FAM193A: variants seen among roughly 807,000 people sequenced by gnomAD.
FAM193A encodes the protein family with sequence similarity 193 member A.
FAM193A carries 22 observed loss-of-function variants against 126.5 expected under a neutral mutation model. The observed-to-expected ratio is 0.17, with a 90% CI of 0.12 to 0.25. The LOEUF (loss-of-function observed/expected upper bound fraction) is 0.25. FAM193A is among the 10% of genes least tolerant of loss of function. FAM193A has a pLI of 1.00. For missense variants in FAM193A, 1,675 were observed against 1,672.8 expected, an observed-to-expected ratio of 1.00 and a Z score of -0.02; for synonymous variants, 761 against 646.8, an observed-to-expected ratio of 1.18 and a Z score of -2.68.
chr4:2,617,201 TA>T (rs1365130574), intron 2 of FAM193A, among the ~76,000 whole-genome samples: 24 of 127,840 alleles, frequency 1.9e-4, no homozygotes, highest in Non-Finnish European at 3.4e-4. Flanking sequence ...AAAAAAAGAA[TA>T]TTTTTTGACC....
chr4:2,700,149 A>C lies in FAM193A; in HGVS notation c.3977A>C (p.Asp1326Ala). 1 of 1,613,666 alleles carries C rather than the reference A, an allele frequency of 6.2e-7. No individual in the cohort carries two copies. Among genetic ancestry groups the C allele is most frequent in the Non-Finnish European group, 8.5e-7 (1 of 1,179,976 alleles). ...CATGAGCCACTCTCTTTTTTCTTCG[A>C]CATCATGCAGCACCATAAAGAAGGA... ...KQHEPLSFFF[D>A]IMQHHKEGNG... The change falls in exon 19 of 21, where the codon GAC (aspartate) becomes GCC (alanine). Residue 1326 changes from aspartate (D) to alanine (A), a missense_variant. By Grantham distance (126) the Asp-to-Ala change is moderately radical (BLOSUM62 -2). This residue lies in a region of FAM193A where 415 missense variants were observed against 396.7 expected (regional missense o/e 1.05). Transcript: ENST00000637812.
At position 2,659,689 on chromosome 4, in the gene FAM193A, G is replaced by A. The variant is rs771970292; in HGVS notation, c.1502+19G>A. Reference sequence around the variant, plus strand: ...GGAGAAGGTAAGGCTGGGTTGTGGTGTCAGCACGACTGGCCCATTGGACCT... The same window carrying A: ...GGAGAAGGTAAGGCTGGGTTGTGGTATCAGCACGACTGGCCCATTGGACCT... On this transcript the variant is annotated intron_variant, in intron 9 of 20. Coordinates refer to ENST00000637812, the MANE Select transcript of FAM193A (RefSeq NM_001366318.2). The A allele has an allele frequency of 1.2e-6, 2 of 1,612,744 alleles. No individual in the cohort carries two copies. Among genetic ancestry groups the A allele is most frequent in the South Asian group, 2.2e-5 (2 of 91,056 alleles).
At position 2,693,494 on chromosome 4, in the gene FAM193A, A is replaced by G. The variant is rs1414273867; in HGVS notation, c.2804-92A>G. On this transcript the variant is annotated intron_variant, in intron 15 of 20. Coordinates refer to ENST00000637812, the MANE Select transcript of FAM193A (RefSeq NM_001366318.2). ...GAAGATGAAGCAAGGTGAAGGATGA[A>G]TGGGTACTCTTTGTGTGTTCTTTCA... is the stretch of plus-strand genomic sequence containing the variant. 124 of 1,200,522 alleles carry G rather than the reference A, an allele frequency of 1.0e-4. 1 individual carries two copies. Among genetic ancestry groups the G allele is most frequent in the Non-Finnish European group, 1.5e-4 (122 of 838,254 alleles). 74.4% of individuals were successfully genotyped at this position (1,200,522 alleles called of 1,614,324 possible).
intron 2 of FAM193A, among the ~76,000 whole-genome samples, chr4:2,598,674 T>C (rs1280956040): frequency 6.6e-6 from 1 of 152,234 alleles, no homozygotes; most frequent in East Asian, 1.9e-4. Flanking sequence ...TTGTTCTGTT[T>C]GGTCAAATGC....
intron 1 of FAM193A, among the ~76,000 whole-genome samples, chr4:2,545,850 T>TA (rs755701058): frequency 2.2e-4 from 33 of 152,088 alleles, no homozygotes; most frequent in Non-Finnish European, 3.2e-4. Context: ...CCTGGCTAAT[T>TA]AAAAAACAAA....
rs764044829 is a variant in FAM193A at position 2,633,908 on chromosome 4, A to G, written c.1038+2739A>G. Among the ~76,000 whole-genome samples, 3 of 152,240 alleles carry G rather than the reference A, an allele frequency of 2.0e-5. No individual in the cohort carries two copies. In the South Asian group the frequency reaches 6.2e-4, roughly 32 times the overall value. On this transcript the variant is annotated intron_variant, in intron 5 of 20. Transcript: ENST00000637812. Reference sequence around the variant, plus strand: ...AACTCCGTCTCAAAAAAAAGATGAAATCTTTTAAAGTGTATGGCTGAGATG... The same window carrying G: ...AACTCCGTCTCAAAAAAAAGATGAAGTCTTTTAAAGTGTATGGCTGAGATG...
chr4:2,728,895 ACTTTTTTTTT>A (rs1380530937), intron 20 of FAM193A, among the ~76,000 whole-genome samples: 3 of 105,710 alleles, frequency 2.8e-5, no homozygotes, highest in Admixed American at 2.0e-4. Flanking sequence ...CACCTCCAAA[ACTTTTTTTTT>A]TTTTTTTTTT....
Position 2,700,258 on chromosome 4 carries a change from G to A in FAM193A, c.4086G>A (p.Glu1362=), listed in dbSNP as rs1717558958. ...RRPTEPPKAT[E]GQSKPRAQTE... is the part of the protein sequence containing the mutation. ...CCACAGAGCCCCCCAAGGCCACAGA[G>A]GGGCAGTCCAAGCCCCGGGCCCAGA... Residue 1362 remains glutamate (E), a synonymous_variant, in exon 19 of 21, where the codon GAG becomes GAA. Coordinates refer to ENST00000637812, the MANE Select transcript of FAM193A (RefSeq NM_001366318.2). 1 of 1,614,078 alleles carries A rather than the reference G, an allele frequency of 6.2e-7. No individual in the cohort carries two copies. The highest frequency in any genetic ancestry group is 1.1e-5 in the South Asian group (1 of 91,086).
At chr4:2,686,036 T>A (rs969493837) in intron 13 of FAM193A, among the ~76,000 whole-genome samples, 1 of 152,254 alleles carries the variant, frequency 6.6e-6, no homozygotes. Context: ...TTTACAGTTA[T>A]ATCATTGGTG....
chr4:2,674,144 T>C (rs924964766), intron 13 of FAM193A, among the ~76,000 whole-genome samples: 12 of 152,250 alleles, frequency 7.9e-5, no homozygotes, highest in Non-Finnish European at 1.6e-4. Context: ...GTGGCCATTA[T>C]TATGTGGAAA....
At chr4:2,566,076 C>T (rs1303109932) in intron 1 of FAM193A, among the ~76,000 whole-genome samples, 2 of 147,242 alleles carry the variant, frequency 1.4e-5, no homozygotes, top group Admixed American at 6.7e-5. Flanking sequence ...GAGACGGAGT[C>T]TCGCTCTGTC....
At chr4:2,626,063 A>C (rs1234146237) in intron 3 of FAM193A, among the ~76,000 whole-genome samples, 1 of 152,052 alleles carries the variant, frequency 6.6e-6, no homozygotes, top group Non-Finnish European at 1.5e-5. Context: ...CTGGCTCAGG[A>C]AGGAATGCAT....
intron 19 of FAM193A, among the ~76,000 whole-genome samples, chr4:2,709,893 T>C (rs1718721438): frequency 6.6e-6 from 1 of 152,224 alleles, no homozygotes; most frequent in South Asian, 2.1e-4. Context: ...CTGGAAATTA[T>C]TCTATCTCTA....
chr4:2,646,264 G>A (rs753919123), intron 6 of FAM193A, among the ~76,000 whole-genome samples: 4 of 146,346 alleles, frequency 2.7e-5, no homozygotes, highest in Admixed American at 7.1e-5. Flanking sequence ...CCGCCTCCCG[G>A]GTTCAAGCGA....
intron 6 of FAM193A, 66 bp downstream of exon 6, chr4:2,639,925 T>G: frequency 6.7e-7 from 1 of 1,499,108 alleles, no homozygotes; most frequent in Non-Finnish European, 9.1e-7. Context: ...CTGACTGGTG[T>G]GCGTGTACCC....
At chr4:2,562,564 A>G (rs527264924) in intron 1 of FAM193A, among the ~76,000 whole-genome samples, 26 of 152,034 alleles carry the variant, frequency 1.7e-4, no homozygotes, top group African/African-American at 5.3e-4. Context: ...TACTACTTAT[A>G]TTTCTAAATA....
At chr4:2,642,443 A>C (rs1191654745) in intron 6 of FAM193A, among the ~76,000 whole-genome samples, 1 of 152,112 alleles carries the variant, frequency 6.6e-6, no homozygotes, top group Non-Finnish European at 1.5e-5. Context: ...ACTGTGTATC[A>C]AGATTGGAAA....
intron 1 of FAM193A, among the ~76,000 whole-genome samples, chr4:2,569,829 G>C (rs1341226583): frequency 2.0e-5 from 3 of 152,072 alleles, no homozygotes; most frequent in Admixed American, 1.3e-4. Context: ...AATAAAATAA[G>C]TTTTCATAAT....
rs368675250 is a variant in FAM193A at position 2,616,618 on chromosome 4, C to T, written c.502-8644C>T. Reference sequence around the variant, plus strand: ...TGTTGCCCAGGCTGGAGTGCAGTGGCGAGTGATCTCTGCTCACTGCAAGCT... The same window carrying T: ...TGTTGCCCAGGCTGGAGTGCAGTGGTGAGTGATCTCTGCTCACTGCAAGCT... On this transcript the variant is annotated intron_variant, in intron 2 of 20. Coordinates refer to ENST00000637812, the MANE Select transcript of FAM193A (RefSeq NM_001366318.2). Among the ~76,000 whole-genome samples the T allele has an allele frequency of 2.8e-3, 426 of 151,500 alleles. 1 individual carries two copies. Among genetic ancestry groups the T allele is most frequent in the African/African-American group, 7.7e-3 (320 of 41,342 alleles).
Sources: gnomAD v4.1 joint callset for allele counts (sites outside exome capture counted in the v4.1 genomes callset) on GRCh38, gnomAD v4.1.1 for gene constraint, gnomAD v4.1.1 regional missense constraint, MANE v1.5 for transcripts, NCBI Gene and HGNC (gene_info 2026-07-23, HGNC 2026-07-21) for gene names.